DMD: variants seen among roughly 807,000 people sequenced by gnomAD.
The protein encoded by DMD is dystrophin, also known as mutant dystrophin.
In DMD, 63 loss-of-function variants were observed where a neutral mutation model predicts 330.1. The ratio of observed to expected loss-of-function variants is 0.19; its 90% CI spans 0.16 to 0.24. The LOEUF is 0.24. Ranked by LOEUF, DMD falls within the 10% of genes least tolerant of loss-of-function variation. DMD has a pLI of 1.00. For missense variants in DMD, 3,344 were observed against 2,684.1 expected (o/e 1.25, Z -5.43); for synonymous variants, 1,223 against 959.8 (o/e 1.27, Z -5.07).
intron 1 of DMD, among the ~76,000 whole-genome samples, chrX:33,057,679 G>A (rs2094533910): frequency 9.0e-6 from 1 of 111,349 alleles, no homozygotes; most frequent in African/African-American, 3.3e-5. Flanking sequence ...CAGCCTCTCA[G>A]GAAGAAACTG....
chrX:31,660,516 T>C (rs192429420), intron 53 of DMD, among the ~76,000 whole-genome samples: 1 of 112,078 alleles, frequency 8.9e-6, no homozygotes, highest in East Asian at 2.8e-4. Context: ...AAGAAGAGCT[T>C]ATTATCTCTC....
At chrX:32,400,572 A>G (rs1167467795) in intron 30 of DMD, among the ~76,000 whole-genome samples, 1 of 111,152 alleles carries the variant, frequency 9.0e-6, no homozygotes, top group Non-Finnish European at 1.9e-5. Flanking sequence ...CAAAAAACAC[A>G]TGAAAAAATG....
intron 11 of DMD, among the ~76,000 whole-genome samples, chrX:32,615,070 T>C (rs974679601): frequency 4.5e-5 from 5 of 111,315 alleles, no homozygotes; most frequent in African/African-American, 1.6e-4. Context: ...AATACTGTAT[T>C]AGAAGTGAGC....
At chrX:32,535,985 G>C (rs2047919901) in intron 17 of DMD, among the ~76,000 whole-genome samples, 1 of 111,460 alleles carries the variant, frequency 9.0e-6, no homozygotes, top group African/African-American at 3.3e-5. Context: ...GCTGAGAAGT[G>C]GCCTGGCACT....
chrX:32,032,461 A>G (rs893305882), intron 44 of DMD, among the ~76,000 whole-genome samples: 1 of 111,674 alleles, frequency 9.0e-6, no homozygotes, highest in African/African-American at 3.2e-5. Flanking sequence ...AGATTGCTCA[A>G]TGATCAAATC....
chrX:31,782,554 T>G (rs1469252956), intron 50 of DMD, among the ~76,000 whole-genome samples: 1 of 109,217 alleles, frequency 9.2e-6, no homozygotes, highest in Non-Finnish European at 1.9e-5. Context: ...AAGAATCGCC[T>G]CGATGAACCA....
At chrX:31,742,036 C>T (rs917056525) in intron 51 of DMD, among the ~76,000 whole-genome samples, 2 of 112,044 alleles carry the variant, frequency 1.8e-5, no homozygotes, top group African/African-American at 3.2e-5. Context: ...CATGAACATA[C>T]TTCTGCTAGC....
intron 44 of DMD, among the ~76,000 whole-genome samples, chrX:32,124,822 A>G (rs1007960760): frequency 8.1e-5 from 9 of 110,917 alleles, no homozygotes; most frequent in Non-Finnish European, 1.1e-4. Context: ...CTTCCTGAGC[A>G]AGTGACAACC....
chrX:33,305,889 G>A (rs1440638654), intron 1 of DMD, among the ~76,000 whole-genome samples: 2 of 112,033 alleles, frequency 1.8e-5, no homozygotes, highest in African/African-American at 3.2e-5. Context: ...TTTATGCACA[G>A]AGGAAAAATT....
At chrX:32,272,170 G>A (rs191377450) in intron 43 of DMD, among the ~76,000 whole-genome samples, 62 of 111,876 alleles carry the variant, frequency 5.5e-4, no homozygotes, top group African/African-American at 2.0e-3. Context: ...ATAATAACCT[G>A]TAAGATAAAT....
intron 16 of DMD, among the ~76,000 whole-genome samples, chrX:32,550,077 A>G (rs958708620): frequency 8.9e-6 from 1 of 111,744 alleles, no homozygotes; most frequent in African/African-American, 3.3e-5. Flanking sequence ...GATGGTACAG[A>G]CTACTATACG....
chrX:33,184,190 G>C (rs573385586), intron 1 of DMD, among the ~76,000 whole-genome samples: 2 of 112,059 alleles, frequency 1.8e-5, no homozygotes, highest in African/African-American at 6.5e-5. Flanking sequence ...TTTCCATGAG[G>C]AAAGCTGGGT....
At chrX:32,071,424 C>T (rs1041462316) in intron 44 of DMD, among the ~76,000 whole-genome samples, 3 of 103,143 alleles carry the variant, frequency 2.9e-5, no homozygotes, top group Middle Eastern at 5.1e-3. Context: ...AACCAAACAC[C>T]GCATGTTCTC....
rs1477030020 is a variant in DMD, at chrX:31,265,429, C to T, written c.9225-4413G>A. 2.7e-5 allele frequency among the ~76,000 whole-genome samples: 3 copies of T among 110,887 alleles called. No homozygotes were observed. The East Asian group carries it at 8.5e-4, about 31-fold the overall frequency. On this transcript the variant is annotated intron_variant, in intron 62 of 78. Transcript: ENST00000357033. ...CATTCTAGTTCCCCATTTCTTGTTCCCTGGGATATTTACCATTTTATTCTG... is the reference window on the plus strand; with the variant it reads ...CATTCTAGTTCCCCATTTCTTGTTCTCTGGGATATTTACCATTTTATTCTG...
At chrX:32,301,115 A>T (rs1473516139) in intron 42 of DMD, among the ~76,000 whole-genome samples, 1 of 108,450 alleles carries the variant, frequency 9.2e-6, no homozygotes, top group Non-Finnish European at 1.9e-5. Context: ...TATAACTAAT[A>T]CTTCTGATGT....
At chrX:32,868,313 C>T (rs1248589860) in intron 2 of DMD, among the ~76,000 whole-genome samples, 1 of 111,568 alleles carries the variant, frequency 9.0e-6, no homozygotes, top group Non-Finnish European at 1.9e-5. Context: ...CGGATGGAGA[C>T]GACTCCTTAA....
chrX:31,223,264 C>T (rs1260278849), intron 63 of DMD, 143 bp from the exon 64 acceptor site: 4 of 535,036 alleles, frequency 7.5e-6, no homozygotes, highest in East Asian at 3.5e-5. Flanking sequence ...GCCAAGCTTT[C>T]GGAGGTGAAA....
intron 50 of DMD, among the ~76,000 whole-genome samples, chrX:31,778,213 T>C (rs537726770): frequency 8.9e-6 from 1 of 112,222 alleles, no homozygotes; most frequent in African/African-American, 3.2e-5. Context: ...AAACACTTTT[T>C]AGTCTTTAAC....
chrX:32,156,683 C>T (rs1286202750), intron 44 of DMD, among the ~76,000 whole-genome samples: 1 of 109,473 alleles, frequency 9.1e-6, no homozygotes, highest in African/African-American at 3.4e-5. Context: ...CAATTATTAA[C>T]CTTCTGGAGC....
Sources: allele counts gnomAD v4.1 joint callset (sites outside exome capture counted in the v4.1 genomes callset), GRCh38; gene constraint gnomAD v4.1.1; transcripts MANE v1.5; gene names NCBI Gene and HGNC (gene_info 2026-07-23, HGNC 2026-07-21).